FBXO8: variants seen among roughly 807,000 people sequenced by gnomAD.
FBXO8 encodes the protein F-box protein 8.
A neutral mutation model predicts 33.4 loss-of-function variants in FBXO8; 15 were observed. The ratio of observed to expected loss-of-function variants is 0.45; its 90% CI spans 0.30 to 0.69. The LOEUF is 0.69. Ranked by LOEUF, FBXO8 falls within the 30% of genes least tolerant of loss-of-function variation. FBXO8 has a pLI of 0.08. For missense variants in FBXO8, 274 were observed against 380.3 expected, an observed-to-expected ratio of 0.72 and a Z score of 2.32; for synonymous variants, 132 against 131.5, an observed-to-expected ratio of 1.00 and a Z score of -0.02.
Position 174,278,312 on chromosome 4 carries a change from C to A in FBXO8, c.-9+5098G>T, listed in dbSNP as rs953006290. Among the ~76,000 whole-genome samples the A allele has an allele frequency of 2.6e-5, 4 of 151,856 alleles. No individual in the cohort carries two copies. The highest frequency in any genetic ancestry group is 9.7e-5 in the African/African-American group (4 of 41,354). ...GCAGTTTTTGTTACTAAAAGGCATACCATTTGCAGGTTTTGGTTTTTTTTA... is the reference window on the plus strand; with the variant it reads ...GCAGTTTTTGTTACTAAAAGGCATAACATTTGCAGGTTTTGGTTTTTTTTA... On this transcript the variant is annotated intron_variant, in intron 1 of 5. Coordinates refer to ENST00000393674, the MANE Select transcript of FBXO8 (RefSeq NM_012180.3). The surrounding 1 kb of genome is among the most constrained non-coding windows in gnomAD (Gnocchi z 4.1).
intron 1 of FBXO8, among the ~76,000 whole-genome samples, chr4:174,264,347 T>C (rs1362372782): frequency 6.6e-6 from 1 of 152,140 alleles, no homozygotes; most frequent in African/African-American, 2.4e-5. Context: ...ATGTCAAAGA[T>C]TGTTGTTGAT....
In FBXO8 at chr4:174,247,106, A is replaced by G. The variant is rs1373139205; in HGVS notation, c.457-5888T>C. Among the ~76,000 whole-genome samples, 1 of 152,070 alleles carries G rather than the reference A, an allele frequency of 6.6e-6. No homozygotes were observed. The highest frequency in any genetic ancestry group is 6.6e-5 in the Admixed American group (1 of 15,218). On this transcript the variant is annotated intron_variant, in intron 3 of 5. Coordinates refer to ENST00000393674, the MANE Select transcript of FBXO8 (RefSeq NM_012180.3). The surrounding 1 kb of genome is among the most constrained non-coding windows in gnomAD (Gnocchi z 4.6). ...TCAGTAAATATATATTTGGGAACAGAGTGAATTCTAGAAAATTAGACATGC... is the reference window on the plus strand; with the variant it reads ...TCAGTAAATATATATTTGGGAACAGGGTGAATTCTAGAAAATTAGACATGC...
rs1218793075 is a variant in FBXO8 at position 174,245,434 on chromosome 4, T to C, written c.457-4216A>G. On this transcript the variant is annotated intron_variant, in intron 3 of 5. Coordinates refer to ENST00000393674, the MANE Select transcript of FBXO8 (RefSeq NM_012180.3). This position sits in a 1 kb window ranked among gnomAD's most constrained non-coding sequence, Gnocchi z 4.6. ...GAACACTGGAGAAGAATGTTCCAGTTAATACTGTATTATATGAGCAAAAGT... is the reference window on the plus strand; with the variant it reads ...GAACACTGGAGAAGAATGTTCCAGTCAATACTGTATTATATGAGCAAAAGT... 1.3e-5 allele frequency among the ~76,000 whole-genome samples: 2 copies of C among 151,932 alleles called. No individual in the cohort carries two copies. The highest frequency in any genetic ancestry group is 2.9e-5 in the Non-Finnish European group (2 of 67,888).
In FBXO8 at chr4:174,241,829, T is replaced by C. The variant is rs1004064443; in HGVS notation, c.457-611A>G. 6.6e-6 allele frequency among the ~76,000 whole-genome samples: 1 copy of C among 151,574 alleles called. No individual in the cohort carries two copies. The highest frequency in any genetic ancestry group is 2.4e-5 in the African/African-American group (1 of 41,394). ...CTACAATACACACTGAGGGAAAACA[T>C]AGTAAGACAAAACAATTCAATGTTT... is the stretch of plus-strand genomic sequence containing the variant. On this transcript the variant is annotated intron_variant, in intron 3 of 5. Coordinates refer to ENST00000393674, the MANE Select transcript of FBXO8 (RefSeq NM_012180.3). The surrounding 1 kb of genome is among the most constrained non-coding windows in gnomAD (Gnocchi z 4.2).
At chr4:174,240,471 TG>T (rs1736007436) in intron 4 of FBXO8, among the ~76,000 whole-genome samples, 2 of 151,932 alleles carry the variant, frequency 1.3e-5, no homozygotes, top group Admixed American at 1.3e-4. Context: ...ATTTTAAAAA[TG>T]GTAGTTCAGT....
At chr4:174,244,638 G>A (rs1171855641) in intron 3 of FBXO8, among the ~76,000 whole-genome samples, 1 of 151,566 alleles carries the variant, frequency 6.6e-6, no homozygotes, top group Non-Finnish European at 1.5e-5. Flanking sequence ...GAATCATGAT[G>A]GTGTTAGTAC....
At position 174,241,520 on chromosome 4, in the gene FBXO8, C is replaced by T. The variant is rs893198792; in HGVS notation, c.457-302G>A. Among the ~76,000 whole-genome samples, 1 of 151,480 alleles carries T rather than the reference C, an allele frequency of 6.6e-6. No homozygotes were observed. Among genetic ancestry groups the T allele is most frequent in the Non-Finnish European group, 1.5e-5 (1 of 67,558 alleles). The stretch of plus-strand genomic sequence containing the variant: ...ATACGGCCTAATTTGGGGAAGGGGG[C>T]TGCAGATGAAACCACAATACAGACG... On this transcript the variant is annotated intron_variant, in intron 3 of 5. Transcript: ENST00000393674. This position sits in a 1 kb window ranked among gnomAD's most constrained non-coding sequence, Gnocchi z 4.2.
In FBXO8 at chr4:174,274,683, G is replaced by A. The variant is rs1024356777; in HGVS notation, c.-9+8727C>T. Among the ~76,000 whole-genome samples the A allele has an allele frequency of 2.0e-5, 3 of 152,116 alleles. No homozygotes were observed. The highest frequency in any genetic ancestry group is 2.0e-4 in the Admixed American group (3 of 15,278). ...AACCCAGTATCAAACACAGTGCCTT[G>A]GCATATAAAGTGCTCAGAAAATATT... On this transcript the variant is annotated intron_variant, in intron 1 of 5. Coordinates refer to ENST00000393674, the MANE Select transcript of FBXO8 (RefSeq NM_012180.3). This position sits in a 1 kb window ranked among gnomAD's most constrained non-coding sequence, Gnocchi z 4.0.
rs761699026 is a variant in FBXO8, at chr4:174,253,621, G to T, written c.456+6078C>A. On this transcript the variant is annotated intron_variant, in intron 3 of 5. Transcript: ENST00000393674. The surrounding 1 kb of genome is among the most constrained non-coding windows in gnomAD (Gnocchi z 4.5). The stretch of plus-strand genomic sequence containing the variant: ...CAGATGCTTGGATGCCTTAACAAAG[G>T]CCATTTCCCTGTTTTTCATTTCTTC... Among the ~76,000 whole-genome samples, 2 of 152,106 alleles carry T rather than the reference G, an allele frequency of 1.3e-5. No individual in the cohort carries two copies. The highest frequency in any genetic ancestry group is 2.4e-5 in the African/African-American group (1 of 41,422).
chr4:174,256,111 G>T lies in FBXO8; in HGVS notation c.456+3588C>A, dbSNP rs907303114. Reference sequence around the variant, plus strand: ...GCTTGGTTACCCATATCCGTGACATGAACGGTGTCCTTTGGAGAATCTTGT... The same window carrying T: ...GCTTGGTTACCCATATCCGTGACATTAACGGTGTCCTTTGGAGAATCTTGT... On this transcript the variant is annotated intron_variant, in intron 3 of 5. Transcript: ENST00000393674. This position sits in a 1 kb window ranked among gnomAD's most constrained non-coding sequence, Gnocchi z 4.6. 1.1e-5 allele frequency: 5 copies of T among 456,120 alleles called. No homozygotes were observed. The highest frequency in any genetic ancestry group is 7.7e-5 in the South Asian group (5 of 64,556). 28.3% of individuals were successfully genotyped at this position (456,120 alleles called of 1,614,324 possible).
At position 174,277,795 on chromosome 4, in the gene FBXO8, T is replaced by C. The variant is rs1736991041; in HGVS notation, c.-9+5615A>G. On this transcript the variant is annotated intron_variant, in intron 1 of 5. Transcript: ENST00000393674. This position sits in a 1 kb window ranked among gnomAD's most constrained non-coding sequence, Gnocchi z 4.9. ...AGGTTTAAAATGTGTGCTACAATAG[T>C]TATCTCTAAAATACAAATTCTAACG... Among the ~76,000 whole-genome samples, 1 of 152,154 alleles carries C rather than the reference T, an allele frequency of 6.6e-6. No homozygotes were observed. Among genetic ancestry groups the C allele is most frequent in the Non-Finnish European group, 1.5e-5 (1 of 67,982 alleles).
Position 174,257,618 on chromosome 4 carries a change from A to G in FBXO8, c.456+2081T>C, listed in dbSNP as rs1736445290. ...ATTCTGCCTCAGTTTTACTCCAGCA[A>G]TCATCATTCAATTACCTCAACAGAC... On this transcript the variant is annotated intron_variant, in intron 3 of 5. Coordinates refer to ENST00000393674, the MANE Select transcript of FBXO8 (RefSeq NM_012180.3). The surrounding 1 kb of genome is among the most constrained non-coding windows in gnomAD (Gnocchi z 4.3). Among the ~76,000 whole-genome samples, 1 of 152,146 alleles carries G rather than the reference A, an allele frequency of 6.6e-6. No homozygotes were observed. The highest frequency in any genetic ancestry group is 2.4e-5 in the African/African-American group (1 of 41,420).
rs982295134 is a variant in FBXO8 at position 174,275,219 on chromosome 4, A to G, written c.-9+8191T>C. ...GATGGTCAACATCATTAGCCAGGAG[A>G]GAGGTGCGTACGGTTATAAAAGCAC... On this transcript the variant is annotated intron_variant, in intron 1 of 5. Transcript: ENST00000393674. This position sits in a 1 kb window ranked among gnomAD's most constrained non-coding sequence, Gnocchi z 4.4. 6.6e-6 allele frequency among the ~76,000 whole-genome samples: 1 copy of G among 152,212 alleles called. No individual in the cohort carries two copies. Among genetic ancestry groups the G allele is most frequent in the Non-Finnish European group, 1.5e-5 (1 of 68,034 alleles).
Position 174,281,915 on chromosome 4 carries a change from A to C in FBXO8, c.-9+1495T>G, listed in dbSNP as rs1156341735. 6.6e-6 allele frequency among the ~76,000 whole-genome samples: 1 copy of C among 152,252 alleles called. No homozygotes were observed. Among genetic ancestry groups the C allele is most frequent in the African/African-American group, 2.4e-5 (1 of 41,472 alleles). On this transcript the variant is annotated intron_variant, in intron 1 of 5. Transcript: ENST00000393674. This position sits in a 1 kb window ranked among gnomAD's most constrained non-coding sequence, Gnocchi z 4.6. ...ATTCAAGAAAAAGAAACAGAAATTA[A>C]ATGCATAATTCTTAGACTTTAGTAT... is the stretch of plus-strand genomic sequence containing the variant.
chr4:174,238,294 C>T (rs1292929306), intron 5 of FBXO8, among the ~76,000 whole-genome samples: 5 of 151,802 alleles, frequency 3.3e-5, no homozygotes, highest in East Asian at 1.9e-4. Context: ...TAGTAACAAT[C>T]GTCATAATAG....
At position 174,270,760 on chromosome 4, in the gene FBXO8, C is replaced by A. The variant is rs985269514; in HGVS notation, c.-8-7660G>T. On this transcript the variant is annotated intron_variant, in intron 1 of 5. Transcript: ENST00000393674. The surrounding 1 kb of genome is among the most constrained non-coding windows in gnomAD (Gnocchi z 4.6). ...GCCTCCCGAGTGCTGGGATTACAGG[C>A]ACCTGCCACCACGCCTGGCTAATTT... 1.3e-5 allele frequency among the ~76,000 whole-genome samples: 2 copies of A among 152,014 alleles called. No individual in the cohort carries two copies. Among genetic ancestry groups the A allele is most frequent in the African/African-American group, 4.8e-5 (2 of 41,396 alleles).
In FBXO8 at chr4:174,237,574, A is replaced by T. The variant is rs373063330; in HGVS notation, c.798T>A (p.Ser266=). The part of the protein sequence containing the change: ...SPDAVYVLCY[S]LILLSIDLTS... Reference sequence around the variant, plus strand: ...TGAGGTCAATGGAAAGTAGAATCAAAGAGTAGCACAGTACATAGACAGCAT... The same window carrying T: ...TGAGGTCAATGGAAAGTAGAATCAATGAGTAGCACAGTACATAGACAGCAT... The change falls in exon 6 of 6, where the codon TCT becomes TCA. Residue 266 remains serine (S), a synonymous_variant. Coordinates refer to ENST00000393674, the MANE Select transcript of FBXO8 (RefSeq NM_012180.3). This position sits in a 1 kb window ranked among gnomAD's most constrained non-coding sequence, Gnocchi z 4.4. 1.4e-5 allele frequency: 22 copies of T among 1,613,478 alleles called. No individual in the cohort carries two copies. Among genetic ancestry groups the T allele is most frequent in the Middle Eastern group, 1.7e-4 (1 of 6,060 alleles).
Position 174,247,593 on chromosome 4 carries a change from T to C in FBXO8, c.457-6375A>G, listed in dbSNP as rs1490823699. ...TTTCAACATGATAACCAATATATTA[T>C]TTTTCAAGTATACATTTTAACCACA... is the stretch of plus-strand genomic sequence containing the variant. On this transcript the variant is annotated intron_variant, in intron 3 of 5. Coordinates refer to ENST00000393674, the MANE Select transcript of FBXO8 (RefSeq NM_012180.3). This position sits in a 1 kb window ranked among gnomAD's most constrained non-coding sequence, Gnocchi z 4.6. Among the ~76,000 whole-genome samples, 3 of 152,074 alleles carry C rather than the reference T, an allele frequency of 2.0e-5. No homozygotes were observed. The highest frequency in any genetic ancestry group is 4.4e-5 in the Non-Finnish European group (3 of 67,980).
chr4:174,244,941 G>A (rs747797324), intron 3 of FBXO8, among the ~76,000 whole-genome samples: 2 of 151,648 alleles, frequency 1.3e-5, no homozygotes, highest in Non-Finnish European at 3.0e-5. Flanking sequence ...AAAGATGAAT[G>A]CCTATAAGAC....
Sources: allele counts gnomAD v4.1 joint callset (sites outside exome capture counted in the v4.1 genomes callset), GRCh38; gene constraint gnomAD v4.1.1; non-coding constraint Gnocchi (gnomAD v3.1); transcripts MANE v1.5; gene names NCBI Gene and HGNC (gene_info 2026-07-23, HGNC 2026-07-21).